Variants in GRM8 observed in about 807,000 individuals in gnomAD.
The protein encoded by GRM8 is metabotropic glutamate receptor 8.
GRM8 carries 47 observed loss-of-function variants against 87.2 expected under a neutral mutation model. The observed-to-expected ratio is 0.54, with a 90% CI of 0.43 to 0.69. GRM8 has a LOEUF of 0.69. GRM8 is among the 30% of genes least tolerant of loss of function. The pLI is 0.00. For missense variants in GRM8, 1,019 were observed against 1,139.2 expected (o/e 0.89, Z 1.52); for synonymous variants, 396 against 404.5 (o/e 0.98, Z 0.25).
In GRM8 at chr7:126,856,084, T is replaced by C. The variant is rs7808572; in HGVS notation, c.1156+46458A>G. Among the ~76,000 whole-genome samples, 684 of 152,296 alleles carry C rather than the reference T, an allele frequency of 4.5e-3. 8 individuals carry two copies. The highest frequency in any genetic ancestry group is 0.016 in the African/African-American group (664 of 41,564). On this transcript the variant is annotated intron_variant, in intron 6 of 10. Coordinates refer to ENST00000339582, the MANE Select transcript of GRM8 (RefSeq NM_000845.3). ...TTTTGTACTTCTTCTCATATATTAC[T>C]AAAAATCTACGTTTTTTTTCCAAAA...
intron 8 of GRM8, among the ~76,000 whole-genome samples, chr7:126,564,833 T>C (rs1794058163): frequency 6.6e-6 from 1 of 152,058 alleles, no homozygotes; most frequent in Non-Finnish European, 1.5e-5. Context: ...CTCAACAAAA[T>C]ACAAGCAAAT....
chr7:126,998,352 C>T (rs1813381847), intron 3 of GRM8, among the ~76,000 whole-genome samples: 1 of 151,712 alleles, frequency 6.6e-6, no homozygotes, highest in Admixed American at 6.6e-5. Flanking sequence ...AGCTCTAGAA[C>T]ACAACAAAGA....
chr7:126,609,000 A>G (rs968421951), intron 8 of GRM8, among the ~76,000 whole-genome samples: 7 of 151,862 alleles, frequency 4.6e-5, no homozygotes, highest in Admixed American at 4.6e-4. Context: ...TTTAAGCCCA[A>G]ATTTATAAAT....
chr7:127,147,371 C>T (rs1055857505), intron 2 of GRM8, among the ~76,000 whole-genome samples: 1 of 152,050 alleles, frequency 6.6e-6, no homozygotes, highest in African/African-American at 2.4e-5. Flanking sequence ...GAGTGGGAAG[C>T]TCAAGTTTAC....
At chr7:126,852,531 A>C (rs1485060034) in intron 6 of GRM8, among the ~76,000 whole-genome samples, 1 of 152,218 alleles carries the variant, frequency 6.6e-6, no homozygotes, top group Non-Finnish European at 1.5e-5. Context: ...AAAAGGAATA[A>C]ATGAAAAGAA....
chr7:127,180,599 A>G (rs574409715), intron 2 of GRM8, among the ~76,000 whole-genome samples: 1 of 152,256 alleles, frequency 6.6e-6, no homozygotes, highest in Non-Finnish European at 1.5e-5. Flanking sequence ...AAAATCCTTA[A>G]CAAAATACTA....
intron 1 of GRM8, among the ~76,000 whole-genome samples, chr7:127,249,174 A>G (rs1587374196): frequency 6.6e-6 from 1 of 152,108 alleles, no homozygotes; most frequent in East Asian, 1.9e-4. Flanking sequence ...CCAACAATCT[A>G]TACTCCTCTG....
At chr7:127,180,381 G>A (rs570153709) in intron 2 of GRM8, among the ~76,000 whole-genome samples, 18 of 151,772 alleles carry the variant, frequency 1.2e-4, no homozygotes, top group South Asian at 2.1e-4. Context: ...CAAAAAGTCC[G>A]GGACCAGACG....
chr7:127,193,568 G>T (rs897759786), intron 2 of GRM8, among the ~76,000 whole-genome samples: 6 of 152,194 alleles, frequency 3.9e-5, no homozygotes, highest in African/African-American at 1.2e-4. Flanking sequence ...GACTCCCATG[G>T]CATTTCAAGA....
chr7:127,222,216 G>A (rs533375421), intron 2 of GRM8, among the ~76,000 whole-genome samples: 26 of 152,308 alleles, frequency 1.7e-4, no homozygotes, highest in African/African-American at 5.8e-4. Flanking sequence ...GGCCAGCCTG[G>A]CCAATGTGGC....
intron 2 of GRM8, among the ~76,000 whole-genome samples, chr7:127,184,850 G>A (rs893073800): frequency 9.9e-5 from 15 of 151,944 alleles, no homozygotes; most frequent in African/African-American, 3.6e-4. Context: ...TGACCAATTT[G>A]TATTTGAAAT....
intron 7 of GRM8, among the ~76,000 whole-genome samples, chr7:126,751,676 G>T (rs1163493142): frequency 6.6e-6 from 1 of 152,148 alleles, no homozygotes; most frequent in African/African-American, 2.4e-5. Context: ...TATGACTTTG[G>T]CCTGAAACTC....
rs1014626871 is a variant in GRM8 at position 126,685,380 on chromosome 7, G to A, written c.1358-75882C>T. Among the ~76,000 whole-genome samples the A allele has an allele frequency of 6.6e-6, 1 of 152,114 alleles. No individual in the cohort carries two copies. Among genetic ancestry groups the A allele is most frequent in the Non-Finnish European group, 1.5e-5 (1 of 68,008 alleles). ...GAGCCTGCAAGAGCCCTGGACAAGC[G>A]GGAGACCCACCCCCTCTGAGTTAGC... On this transcript the variant is annotated intron_variant, in intron 7 of 10. Transcript: ENST00000339582. This position sits in a 1 kb window ranked among gnomAD's most constrained non-coding sequence, Gnocchi z 4.2.
At chr7:126,844,473 T>G (rs1563242433) in intron 6 of GRM8, among the ~76,000 whole-genome samples, 1 of 152,238 alleles carries the variant, frequency 6.6e-6, no homozygotes, top group Admixed American at 6.5e-5. Context: ...CAAGTCCTTA[T>G]GTACATGATC....
At chr7:126,654,117 T>G (rs1479673963) in intron 7 of GRM8, among the ~76,000 whole-genome samples, 1 of 152,212 alleles carries the variant, frequency 6.6e-6, no homozygotes. Flanking sequence ...ACTAGACCCC[T>G]AAGCAGATTC....
intron 3 of GRM8, among the ~76,000 whole-genome samples, chr7:127,004,815 T>G (rs541458652): frequency 1.3e-5 from 2 of 151,724 alleles, no homozygotes; most frequent in African/African-American, 2.4e-5. Flanking sequence ...CTCTATTGCT[T>G]GTATATTTAT....
intron 7 of GRM8, among the ~76,000 whole-genome samples, chr7:126,666,822 G>T (rs1805826379): frequency 6.6e-6 from 1 of 152,064 alleles, no homozygotes; most frequent in African/African-American, 2.4e-5. Flanking sequence ...AATAGAGAAG[G>T]TATCTATGCT....
chr7:127,224,933 C>T (rs988977288), intron 2 of GRM8, among the ~76,000 whole-genome samples: 2 of 152,146 alleles, frequency 1.3e-5, no homozygotes, highest in Non-Finnish European at 2.9e-5. Flanking sequence ...GGTTTCTATA[C>T]TTCGCTGGAC....
At chr7:126,849,950 A>C (rs1167353129) in intron 6 of GRM8, among the ~76,000 whole-genome samples, 1 of 152,182 alleles carries the variant, frequency 6.6e-6, no homozygotes, top group East Asian at 1.9e-4. Context: ...AGTATAGAAA[A>C]GTGCTGTTTC....
Sources: allele counts gnomAD v4.1 joint callset (sites outside exome capture counted in the v4.1 genomes callset), GRCh38; gene constraint gnomAD v4.1.1; non-coding constraint Gnocchi (gnomAD v3.1); transcripts MANE v1.5; gene names NCBI Gene and HGNC (gene_info 2026-07-23, HGNC 2026-07-21).